Variants in RMI1 observed in about 807,000 individuals in gnomAD.
RMI1 encodes the protein recQ-mediated genome instability protein 1.
RMI1 carries 36 observed loss-of-function variants against 46.7 expected under a neutral mutation model. That is an observed-to-expected ratio of 0.77 (90% CI 0.59 to 1.02). The LOEUF (loss-of-function observed/expected upper bound fraction) is 1.02. RMI1 is among the 50% of genes least tolerant of loss of function. RMI1 has a pLI of 0.00. For missense variants in RMI1, 676 were observed against 713.7 expected (o/e 0.95, Z 0.60); for synonymous variants, 250 against 252.9 (o/e 0.99, Z 0.11).
intron 1 of RMI1, among the ~76,000 whole-genome samples, chr9:83,991,224 T>C (rs1013557988): frequency 6.6e-6 from 1 of 152,188 alleles, no homozygotes; most frequent in Non-Finnish European, 1.5e-5. Flanking sequence ...CTTTTTATAT[T>C]CCTAACAGTG....
intron 1 of RMI1, among the ~76,000 whole-genome samples, chr9:83,983,570 G>A (rs1037822223): frequency 5.3e-5 from 8 of 152,044 alleles, no homozygotes; most frequent in South Asian, 2.1e-4. Context: ...AATGACACAC[G>A]TAAGGTCCAA....
In RMI1 at chr9:84,002,394, T is replaced by G. The variant is rs1478876960; in HGVS notation, c.1408T>G (p.Ser470Ala). The G allele has an allele frequency of 6.2e-7, 1 of 1,612,636 alleles. No individual in the cohort carries two copies. Among genetic ancestry groups the G allele is most frequent in the Non-Finnish European group, 8.5e-7 (1 of 1,179,054 alleles). Reference protein sequence around the residue: ...NENDCNLQSCSLRSSENSINL... With the variant: ...NENDCNLQSCALRSSENSINL... ...AAATGATTGTAATTTACAGAGTTGTTCTTTAAGATCATCAGAGAATAGCAT... is the reference window on the plus strand; with the variant it reads ...AAATGATTGTAATTTACAGAGTTGTGCTTTAAGATCATCAGAGAATAGCAT... The change falls in exon 3 of 3, where the codon TCT (serine) becomes GCT (alanine). Residue 470 changes from serine to alanine, a missense_variant. Physicochemically the swap from Ser to Ala is moderately conservative, Grantham distance 99. Coordinates refer to ENST00000445877, the MANE Select transcript of RMI1 (RefSeq NM_001358291.2).
Position 84,002,355 on chromosome 9 carries a change from C to G in RMI1, c.1369C>G (p.Gln457Glu), listed in dbSNP as rs139147009. 7.5e-6 allele frequency: 12 copies of G among 1,607,312 alleles called. No individual in the cohort carries two copies. In the Admixed American group the frequency reaches 2.0e-4, roughly 27 times the overall value. ...CAACTATGTACAGAAAAGGAATTCA[C>G]AAATTTCTAATGAAAATGATTGTAA... ...VVNYVQKRNS[Q>E]ISNENDCNLQ... The change falls in exon 3 of 3, where the codon CAA becomes GAA. Residue 457 changes from glutamine to glutamate, a missense_variant. By Grantham distance (29) the Gln-to-Glu change is conservative. Transcript: ENST00000445877.
intron 1 of RMI1, among the ~76,000 whole-genome samples, chr9:83,995,256 C>T (rs1285691647): frequency 6.6e-6 from 1 of 151,814 alleles, no homozygotes; most frequent in Non-Finnish European, 1.5e-5. Flanking sequence ...GCCTTGGCCT[C>T]CCAAAATGCT....
At position 84,002,730 on chromosome 9, in the gene RMI1, C is replaced by T; in HGVS notation, c.1744C>T (p.Gln582Ter). The change falls in exon 3 of 3, where the codon CAA becomes TAA. Residue 582 changes from glutamine (Q) to a stop codon, truncating the protein, a stop_gained. Transcript: ENST00000445877. LOFTEE classifies it high-confidence loss of function. ...QKFLEGLQKC[Q>*]RDLIDLCCLM... is the part of the protein sequence containing the mutation. ...GTTCCTGGAAGGGTTGCAGAAATGT[C>T]AAAGAGATCTAATAGATTTGTGCTG... The T allele has an allele frequency of 6.2e-7, 1 of 1,613,806 alleles. No individual in the cohort carries two copies. Among genetic ancestry groups the T allele is most frequent in the Non-Finnish European group, 8.5e-7 (1 of 1,179,900 alleles).
chr9:83,984,793 C>T (rs956891847), intron 1 of RMI1, among the ~76,000 whole-genome samples: 35 of 152,238 alleles, frequency 2.3e-4, no homozygotes, highest in Middle Eastern at 6.8e-3. Context: ...GAACTCCTGA[C>T]CTCAGGTGAT....
At chr9:83,982,478 A>G (rs1424418775) in intron 1 of RMI1, among the ~76,000 whole-genome samples, 3 of 151,856 alleles carry the variant, frequency 2.0e-5, no homozygotes, top group African/African-American at 7.3e-5. Flanking sequence ...CCTGGCTAAC[A>G]TTGTGAAACC....
At chr9:83,995,579 C>G (rs749565301) in intron 1 of RMI1, among the ~76,000 whole-genome samples, 5 of 152,066 alleles carry the variant, frequency 3.3e-5, no homozygotes, top group Admixed American at 2.6e-4. Context: ...AGGCACATGC[C>G]ACCACGCCCG....
Position 84,000,948 on chromosome 9 carries a change from C to T in RMI1, c.-36-3C>T, listed in dbSNP as rs752357301. ...TCTAAATTTTTTTGTTTTTTGTTTT[C>T]AGGTAATAGATGCATATTATTTCTT... is the stretch of plus-strand genomic sequence containing the variant. On this transcript the variant is annotated splice_polypyrimidine_tract_variant and splice_region_variant and intron_variant, in intron 2 of 2. Coordinates refer to ENST00000445877, the MANE Select transcript of RMI1 (RefSeq NM_001358291.2). The T allele has an allele frequency of 6.8e-7, 1 of 1,477,394 alleles. No homozygotes were observed. The highest frequency in any genetic ancestry group is 9.1e-7 in the Non-Finnish European group (1 of 1,097,826). 91.5% of individuals were successfully genotyped at this position (1,477,394 alleles called of 1,614,324 possible). A position where few individuals can be genotyped will look rare whatever the true frequency, so the allele number is the denominator to read the frequency against.
Position 84,001,646 on chromosome 9 carries a change from C to A in RMI1, c.660C>A (p.Val220=). ...LIGEPDLVVS[V]IPNNSNENIP... Reference sequence around the variant, plus strand: ...GGGAACCTGATCTTGTAGTTTCAGTCATACCAAACAATTCTAACGAAAACA... The same window carrying A: ...GGGAACCTGATCTTGTAGTTTCAGTAATACCAAACAATTCTAACGAAAACA... The change falls in exon 3 of 3, where the codon GTC becomes GTA. Residue 220 remains valine (V), a synonymous_variant. Transcript: ENST00000445877. 6.2e-7 allele frequency: 1 copy of A among 1,613,964 alleles called. No homozygotes were observed. The highest frequency in any genetic ancestry group is 1.1e-5 in the South Asian group (1 of 91,032).
intron 1 of RMI1, among the ~76,000 whole-genome samples, chr9:83,994,498 T>C (rs1957621336): frequency 6.6e-6 from 1 of 152,232 alleles, no homozygotes; most frequent in Admixed American, 6.5e-5. Context: ...AACGTCCATC[T>C]TTAATCTTTT....
intron 1 of RMI1, among the ~76,000 whole-genome samples, chr9:83,987,333 G>A (rs182257088): frequency 1.9e-4 from 29 of 152,264 alleles, no homozygotes; most frequent in African/African-American, 6.3e-4. Context: ...GGTTACAGGC[G>A]TGAGCCACCG....
Position 84,001,654 on chromosome 9 carries a change from A to C in RMI1, c.668A>C (p.Asn223Thr), listed in dbSNP as rs367956200. Residue 223 changes from asparagine to threonine, a missense_variant, in exon 3 of 3, where the codon AAC (asparagine) becomes ACC (threonine). Physicochemically the swap from Asn to Thr is moderately conservative, Grantham distance 65. Coordinates refer to ENST00000445877, the MANE Select transcript of RMI1 (RefSeq NM_001358291.2). ...GATCTTGTAGTTTCAGTCATACCAAACAATTCTAACGAAAACATTCCCAGA... is the reference window on the plus strand; with the variant it reads ...GATCTTGTAGTTTCAGTCATACCAACCAATTCTAACGAAAACATTCCCAGA... ...EPDLVVSVIP[N>T]NSNENIPRVT... is the part of the protein sequence containing the mutation. 2.3e-5 allele frequency: 37 copies of C among 1,613,880 alleles called. No homozygotes were observed. The African/African-American group carries it at 3.7e-4, about 16-fold the overall frequency.
rs146050090 is a variant in RMI1 at position 84,001,643 on chromosome 9, A to C, written c.657A>C (p.Ser219=). The C allele has an allele frequency of 1.2e-6, 2 of 1,614,052 alleles. No homozygotes were observed. The highest frequency in any genetic ancestry group is 1.7e-6 in the Non-Finnish European group (2 of 1,179,988). Residue 219 remains serine, a synonymous_variant, in exon 3 of 3, where the codon TCA becomes TCC. Coordinates refer to ENST00000445877, the MANE Select transcript of RMI1 (RefSeq NM_001358291.2). Reference sequence around the variant, plus strand: ...TAGGGGAACCTGATCTTGTAGTTTCAGTCATACCAAACAATTCTAACGAAA... The same window carrying C: ...TAGGGGAACCTGATCTTGTAGTTTCCGTCATACCAAACAATTCTAACGAAA... ...RLIGEPDLVV[S]VIPNNSNENI...
chr9:83,990,438 AG>A (rs1957553636), intron 1 of RMI1, among the ~76,000 whole-genome samples: 1 of 151,106 alleles, frequency 6.6e-6, no homozygotes, highest in Non-Finnish European at 1.5e-5. Context: ...TGAAGTCAGG[AG>A]GCGGAGGTTG....
Position 84,001,997 on chromosome 9 carries a change from A to C in RMI1, c.1011A>C (p.Gln337His). 6.2e-7 allele frequency: 1 copy of C among 1,614,092 alleles called. No individual in the cohort carries two copies. Among genetic ancestry groups the C allele is most frequent in the East Asian group, 2.2e-5 (1 of 44,864 alleles). The stretch of plus-strand genomic sequence containing the variant: ...AACAGATGGAAACTAAGGAATTGCA[A>C]CCATTGACTTTTAACAGAAATGCCG... ...QKEQMETKELQPLTFNRNADR... is the reference protein window; with the variant it reads ...QKEQMETKELHPLTFNRNADR... The change falls in exon 3 of 3, where the codon CAA becomes CAC. Residue 337 changes from glutamine (Q) to histidine (H), a missense_variant. Gln to His is a conservative substitution (Grantham distance 24). Transcript: ENST00000445877.
At position 83,987,317 on chromosome 9, in the gene RMI1, T is replaced by C. The variant is rs1297452244; in HGVS notation, c.-126+6426T>C. The stretch of plus-strand genomic sequence containing the variant: ...ATCCACCCGCCTCGGCCTCCCAAAG[T>C]GCTAGGGTTACAGGCGTGAGCCACC... On this transcript the variant is annotated intron_variant, in intron 1 of 2. Transcript: ENST00000445877. 7.2e-5 allele frequency among the ~76,000 whole-genome samples: 11 copies of C among 152,320 alleles called. No individual in the cohort carries two copies. In the East Asian group the frequency reaches 1.9e-3, roughly 27 times the overall value.
In RMI1 at chr9:83,999,701, T is replaced by TC. The variant is rs2133128415; in HGVS notation, c.-125-7dup. The TC allele has an allele frequency of 6.6e-6, 1 of 152,268 alleles. No individual in the cohort carries two copies. The highest frequency in any genetic ancestry group is 2.4e-5 in the African/African-American group (1 of 41,566). 9.4% of individuals were successfully genotyped at this position (152,268 alleles called of 1,614,324 possible). ...ATAACTCTTACTGCTTTTTGTCTTA[T>TC]CTCCCAGGGCCATTTCTGAGCAGTG... On this transcript the variant is annotated splice_polypyrimidine_tract_variant and splice_region_variant and intron_variant, in intron 1 of 2. Transcript: ENST00000445877.
intron 1 of RMI1, among the ~76,000 whole-genome samples, chr9:83,994,871 CT>C (rs1158421100): frequency 6.6e-6 from 1 of 152,052 alleles, no homozygotes; most frequent in Non-Finnish European, 1.5e-5. Context: ...TCTTCTGATA[CT>C]TTTCTTTATC....
Sources: gnomAD v4.1 joint callset for allele counts (sites outside exome capture counted in the v4.1 genomes callset) on GRCh38, gnomAD v4.1.1 for gene constraint, MANE v1.5 for transcripts, NCBI Gene and HGNC (gene_info 2026-07-23, HGNC 2026-07-21) for gene names.